Variants in MYLIP observed in about 807,000 individuals in gnomAD.
The protein encoded by MYLIP is myosin regulatory light chain interacting protein.
A neutral mutation model predicts 45.8 loss-of-function variants in MYLIP; 26 were observed. That is an observed-to-expected ratio of 0.57 (90% CI 0.42 to 0.79). The LOEUF (loss-of-function observed/expected upper bound fraction) is 0.79, where lower values mean the gene tolerates loss of function less well. Among genes scored for constraint, MYLIP ranks in the 30% least tolerant of loss-of-function variants. MYLIP has a pLI of 0.00. For missense variants in MYLIP, 494 were observed against 555.6 expected, an observed-to-expected ratio of 0.89 and a Z score of 1.11; for synonymous variants, 213 against 218.1, an observed-to-expected ratio of 0.98 and a Z score of 0.21.
chr6:16,153,855 A>G, the MYLIP span, among the ~76,000 whole-genome samples: 1 of 152,238 alleles, frequency 6.6e-6, no homozygotes, highest in South Asian at 2.1e-4. Context: ...CTACAAATGT[A>G]TAGCCATGAC....
At chr6:16,138,604 G>A (rs1456347854) in intron 2 of MYLIP, among the ~76,000 whole-genome samples, 2 of 152,070 alleles carry the variant, frequency 1.3e-5, no homozygotes, top group Non-Finnish European at 2.9e-5. Flanking sequence ...TATTTTGATG[G>A]GATATGTCCC....
In MYLIP at chr6:16,143,842, C is replaced by T; in HGVS notation, c.806C>T (p.Thr269Ile). ...RAASGLYRAI[T>I]ETHAFYRCDT... ...GCCAGCGGGCTCTACCGAGCGATAA[C>T]AGAGACGCACGCATTCTACAGGCAC... Residue 269 changes from threonine (T) to isoleucine (I), a missense_variant, in exon 5 of 7, where the codon ACA becomes ATA. Coordinates refer to ENST00000356840, the MANE Select transcript of MYLIP (RefSeq NM_013262.4). 1.9e-6 allele frequency: 3 copies of T among 1,613,184 alleles called. No individual in the cohort carries two copies. Among genetic ancestry groups the T allele is most frequent in the Non-Finnish European group, 2.5e-6 (3 of 1,179,836 alleles).
intron 6 of MYLIP, 144 bp from the exon 7 acceptor site, chr6:16,146,518 C>A (rs1759793139): frequency 1.6e-6 from 1 of 631,860 alleles, no homozygotes; most frequent in Non-Finnish European, 2.8e-6. Context: ...CGGCAAAGAT[C>A]TCTACCAATT....
At chr6:16,135,073 A>T (rs1759523780) in intron 2 of MYLIP, among the ~76,000 whole-genome samples, 1 of 152,342 alleles carries the variant, frequency 6.6e-6, no homozygotes, top group African/African-American at 2.4e-5. Context: ...GCCTGTTCCC[A>T]GCCCTCTTCT....
chr6:16,145,388 AG>A, intron 6 of MYLIP, 71 bp downstream of exon 6: 3 of 1,495,476 alleles, frequency 2.0e-6, no homozygotes, highest in Non-Finnish European at 2.7e-6. Context: ...AGTAGGAGCC[AG>A]GTACTGGCTC....
In MYLIP at chr6:16,129,096, C is replaced by T. The variant is rs1276002449; in HGVS notation, c.-227C>T. The T allele has an allele frequency of 9.1e-6, 5 of 548,290 alleles. No homozygotes were observed. The East Asian group carries it at 9.6e-5, about 10-fold the overall frequency. 34.0% of individuals were successfully genotyped at this position (548,290 alleles called of 1,614,324 possible). On this transcript the variant is annotated 5_prime_UTR_variant, in exon 1 of 7. Coordinates refer to ENST00000356840, the MANE Select transcript of MYLIP (RefSeq NM_013262.4). This position sits in a 1 kb window ranked among gnomAD's most constrained non-coding sequence, Gnocchi z 5.1. ...TGTCGCAGCGCAGGCAGTTGGGCTG[C>T]TGGAGTGCGGCGCCACCGCGGAGGA...
At chr6:16,130,484 G>C in intron 1 of MYLIP, 73 bp from the exon 2 acceptor site, 4 of 1,443,274 alleles carry the variant, frequency 2.8e-6, no homozygotes, top group Non-Finnish European at 3.8e-6. Context: ...AGCAATCTTA[G>C]CCTCAGGGAG....
chr6:16,145,442 G>T (rs1279202362), intron 6 of MYLIP, 125 bp downstream of exon 6: 8 of 1,131,442 alleles, frequency 7.1e-6, no homozygotes, highest in Non-Finnish European at 9.9e-6. Flanking sequence ...CCCGGAAAGG[G>T]TCTTTGTATT....
rs773528802 is a variant in MYLIP, at chr6:16,143,867, C to T, written c.827+4C>T. On this transcript the variant is annotated splice_donor_region_variant and intron_variant, in intron 5 of 6. Coordinates refer to ENST00000356840, the MANE Select transcript of MYLIP (RefSeq NM_013262.4). ...CAGAGACGCACGCATTCTACAGGCACGTATCTCGTGTGCTTGGTCACCTCA... is the reference window on the plus strand; with the variant it reads ...CAGAGACGCACGCATTCTACAGGCATGTATCTCGTGTGCTTGGTCACCTCA... The T allele has an allele frequency of 8.1e-6, 13 of 1,611,794 alleles. No individual in the cohort carries two copies. Among genetic ancestry groups the T allele is most frequent in the Middle Eastern group, 1.7e-4 (1 of 5,882 alleles).
the MYLIP span, chr6:16,160,900 CA>C: frequency 6.6e-6 from 1 of 152,604 alleles, no homozygotes; most frequent in Admixed American, 6.5e-5. Flanking sequence ...TCTCTGCTGT[CA>C]CCCGAGCCGA....
intron 1 of MYLIP, among the ~76,000 whole-genome samples, chr6:16,130,079 C>G (rs1303702220): frequency 6.6e-6 from 1 of 152,178 alleles, no homozygotes; most frequent in South Asian, 2.1e-4. Flanking sequence ...TGCCCTCAAC[C>G]CCTCTAGCTC....
intron 2 of MYLIP, among the ~76,000 whole-genome samples, chr6:16,134,689 G>T (rs1759516380): frequency 6.6e-6 from 1 of 152,214 alleles, no homozygotes; most frequent in South Asian, 2.1e-4. Context: ...ATCTGGGAAA[G>T]ATTGCATGCC....
At chr6:16,130,467 A>C (rs558244600) in intron 1 of MYLIP, 90 bp from the exon 2 acceptor site, 4 of 1,330,524 alleles carry the variant, frequency 3.0e-6, no homozygotes, top group Admixed American at 4.4e-5. Flanking sequence ...ACTTTGTAAA[A>C]AGCACCAGCA....
chr6:16,136,574 C>A (rs1759560610), intron 2 of MYLIP, among the ~76,000 whole-genome samples: 1 of 152,092 alleles, frequency 6.6e-6, no homozygotes. Context: ...ATTTTCATTT[C>A]TCTTGAATAA....
rs1191730647 is a variant in MYLIP at position 16,146,808 on chromosome 6, A to G, written c.*57A>G. The G allele has an allele frequency of 7.4e-7, 1 of 1,350,152 alleles. No individual in the cohort carries two copies. Among genetic ancestry groups the G allele is most frequent in the Non-Finnish European group, 1.0e-6 (1 of 966,376 alleles). The allele number at this position is 1,350,152 out of a possible 1,614,324, so 83.6% of individuals were successfully genotyped here. A position where few individuals can be genotyped will look rare whatever the true frequency, so the allele number is the denominator to read the frequency against. ...TCCATGAACTGCACTATTATAAACT[A>G]TTAAAATGATAGATTGTGGAGAAAG... On this transcript the variant is annotated 3_prime_UTR_variant, in exon 7 of 7. Transcript: ENST00000356840.
chr6:16,135,336 T>C (rs533193153), intron 2 of MYLIP, among the ~76,000 whole-genome samples: 3 of 152,234 alleles, frequency 2.0e-5, no homozygotes, highest in Non-Finnish European at 4.4e-5. Flanking sequence ...GTGCAGATTT[T>C]CTGCTTTCAA....
At position 16,141,638 on chromosome 6, in the gene MYLIP, T is replaced by C. The variant is rs1759674977; in HGVS notation, c.292T>C (p.Leu98=). The C allele has an allele frequency of 6.2e-7, 1 of 1,612,830 alleles. No individual in the cohort carries two copies. Among genetic ancestry groups the C allele is most frequent in the African/African-American group, 1.3e-5 (1 of 74,932 alleles). Residue 98 remains leucine (L), a synonymous_variant, in exon 3 of 7, where the codon TTG becomes CTG. Coordinates refer to ENST00000356840, the MANE Select transcript of MYLIP (RefSeq NM_013262.4). ...CTTGCTTTGCAGGCATATCTTTTTC[T>C]TGCACATCAAGGAGGCCCTCTTGGC... ...LQEQTRHIFF[L]HIKEALLAGH...
Position 16,144,942 on chromosome 6 carries a change from CT to C in MYLIP, c.875del (p.Leu292Ter), listed in dbSNP as rs1275650304. 6.2e-7 allele frequency: 1 copy of C among 1,614,074 alleles called. No homozygotes were observed. The highest frequency in any genetic ancestry group is 8.5e-7 in the Non-Finnish European group (1 of 1,180,028). On this transcript the variant is annotated frameshift_variant, in exon 6 of 7. Coordinates refer to ENST00000356840, the MANE Select transcript of MYLIP (RefSeq NM_013262.4). LOFTEE classifies it high-confidence loss of function. ...CCGTGATGATGCAGTATAGCCGTGA[CT>C]TGAAGGGCCACTTGGCATCTCTGTT... is the stretch of plus-strand genomic sequence containing the variant. ...SAVMMQYSRD[L>X]KGHLASLFLN...
At chr6:16,159,711 C>T in the MYLIP span, among the ~76,000 whole-genome samples, 3 of 152,126 alleles carry the variant, frequency 2.0e-5, no homozygotes, top group South Asian at 2.1e-4. Flanking sequence ...CAGCCTTCCT[C>T]TTTGGAATAG....
Sources: gnomAD v4.1 joint callset for allele counts (sites outside exome capture counted in the v4.1 genomes callset) on GRCh38, gnomAD v4.1.1 for gene constraint, Gnocchi (gnomAD v3.1) non-coding constraint, MANE v1.5 for transcripts, NCBI Gene and HGNC (gene_info 2026-07-23, HGNC 2026-07-21) for gene names.